The following CNOT6L variants were observed in gnomAD, a reference collection of about 807,000 sequenced individuals.
The protein encoded by CNOT6L is CCR4-NOT transcription complex subunit 6 like.
In CNOT6L, 7 loss-of-function variants were observed where a neutral mutation model predicts 64.0. The ratio of observed to expected loss-of-function variants is 0.11; its 90% CI spans 0.06 to 0.21. The LOEUF is 0.21. CNOT6L is among the 10% of genes least tolerant of loss of function. CNOT6L has a pLI of 1.00. For synonymous variants in CNOT6L, 193 were observed against 243.4 expected (o/e 0.79, Z 1.93); for missense variants, 245 against 669.0 (o/e 0.37, Z 6.99).
At chr4:77,768,290 C>A (rs1444796376) in intron 4 of CNOT6L, among the ~76,000 whole-genome samples, 5 of 151,634 alleles carry the variant, frequency 3.3e-5, no homozygotes, top group Non-Finnish European at 5.9e-5. Context: ...CATGGTGAAA[C>A]CCCGTCTCTA....
chr4:77,795,433 T>C (rs1730724763), intron 1 of CNOT6L, among the ~76,000 whole-genome samples: 1 of 152,212 alleles, frequency 6.6e-6, no homozygotes, highest in African/African-American at 2.4e-5. Context: ...CCAAGTCTCA[T>C]GTCCAGTTGT....
intron 4 of CNOT6L, among the ~76,000 whole-genome samples, chr4:77,768,125 T>G (rs1727075349): frequency 1.3e-5 from 2 of 151,900 alleles, no homozygotes; most frequent in African/African-American, 4.8e-5. Flanking sequence ...AACACACAAA[T>G]GTACTAACTA....
intron 1 of CNOT6L, among the ~76,000 whole-genome samples, chr4:77,807,273 T>C (rs1285917046): frequency 6.6e-5 from 2 of 30,368 alleles, no homozygotes; most frequent in Non-Finnish European, 7.8e-5. Flanking sequence ...TGAGACTCCA[T>C]CTCAAAAAAA....
At chr4:77,731,581 T>C (rs767614254) in intron 8 of CNOT6L, 43 bp from the exon 9 acceptor site, 1 of 1,345,640 alleles carries the variant, frequency 7.4e-7, no homozygotes. Flanking sequence ...TAGACTATCA[T>C]GCTGAAAGAT....
At chr4:77,803,852 G>A (rs1478351251) in intron 1 of CNOT6L, among the ~76,000 whole-genome samples, 2 of 151,794 alleles carry the variant, frequency 1.3e-5, no homozygotes, top group Admixed American at 6.6e-5. Flanking sequence ...GCAGTGAGCC[G>A]AGATCATGCT....
rs1720750338 is a variant in CNOT6L, at chr4:77,716,392, CATA to C, written c.*4036_*4038del. ...AAATCTAGCCATGTATTAGGAATGACATAATGATGTGGTTATATGCCTCTGGTT... is the reference window on the plus strand; with the variant it reads ...AAATCTAGCCATGTATTAGGAATGACATGATGTGGTTATATGCCTCTGGTT... On this transcript the variant is annotated 3_prime_UTR_variant, in exon 12 of 12. Coordinates refer to ENST00000504123, the MANE Select transcript of CNOT6L (RefSeq NM_144571.3). 2 of 152,074 alleles carry C rather than the reference CATA, an allele frequency of 1.3e-5. No homozygotes were observed. Among genetic ancestry groups the C allele is most frequent in the Non-Finnish European group, 2.9e-5 (2 of 67,980 alleles). 9.4% of individuals were successfully genotyped at this position (152,074 alleles called of 1,614,324 possible). A position where few individuals can be genotyped will look rare whatever the true frequency, so the allele number is the denominator to read the frequency against.
chr4:77,782,414 G>A (rs1451357047), intron 1 of CNOT6L, among the ~76,000 whole-genome samples: 3 of 152,034 alleles, frequency 2.0e-5, no homozygotes, highest in African/African-American at 7.2e-5. Flanking sequence ...CTCATTGCAA[G>A]CTTGAAATCC....
At chr4:77,755,223 GTTTTTTTTTTTTTTTTTTT>G (rs869054667) in intron 5 of CNOT6L, among the ~76,000 whole-genome samples, 130 of 70,446 alleles carry the variant, frequency 1.8e-3, no homozygotes, top group South Asian at 0.013. Context: ...AGAGACAAGA[GTTTTTTTTTTTTTTTTTTT>G]TTTTTTTTTT....
At chr4:77,783,799 T>G (rs1048824648) in intron 1 of CNOT6L, among the ~76,000 whole-genome samples, 1 of 151,932 alleles carries the variant, frequency 6.6e-6, no homozygotes, top group Admixed American at 6.6e-5. Context: ...ACCAAATAAT[T>G]AGATAACCCA....
At chr4:77,767,163 C>T (rs950466226) in intron 4 of CNOT6L, among the ~76,000 whole-genome samples, 4 of 136,792 alleles carry the variant, frequency 2.9e-5, no homozygotes, top group Admixed American at 7.4e-5. Context: ...AACAGATGTA[C>T]TTGATTGGTG....
At chr4:77,818,333 C>T (rs1733800521) in intron 1 of CNOT6L, among the ~76,000 whole-genome samples, 1 of 152,166 alleles carries the variant, frequency 6.6e-6, no homozygotes, top group African/African-American at 2.4e-5. Context: ...ACGCCTCTCC[C>T]CCTAGGAGGC....
intron 10 of CNOT6L, 60 bp from the exon 11 acceptor site, chr4:77,726,429 A>G (rs1721854220): frequency 7.5e-7 from 1 of 1,327,606 alleles, no homozygotes; most frequent in African/African-American, 1.5e-5. Flanking sequence ...AAGGCTTCAC[A>G]GCCAAGACTT....
chr4:77,789,377 G>A (rs1729831130), intron 1 of CNOT6L, among the ~76,000 whole-genome samples: 1 of 151,348 alleles, frequency 6.6e-6, no homozygotes, highest in Non-Finnish European at 1.5e-5. Flanking sequence ...CAAATACAAT[G>A]CAAGGACCTT....
At chr4:77,722,849 C>G (rs750705656) in intron 11 of CNOT6L, among the ~76,000 whole-genome samples, 2 of 152,040 alleles carry the variant, frequency 1.3e-5, no homozygotes, top group African/African-American at 2.4e-5. Context: ...ATTTTTAACC[C>G]TTTTGAGTCA....
intron 5 of CNOT6L, among the ~76,000 whole-genome samples, chr4:77,751,270 G>A (rs1164884323): frequency 6.6e-6 from 1 of 152,020 alleles, no homozygotes; most frequent in Non-Finnish European, 1.5e-5. Context: ...TCATTGGAAA[G>A]GCACAATAAT....
chr4:77,770,957 A>T (rs192903718), intron 4 of CNOT6L, among the ~76,000 whole-genome samples: 47 of 152,358 alleles, frequency 3.1e-4, no homozygotes, highest in African/African-American at 1.1e-3. Flanking sequence ...GTTATGAAAG[A>T]GTAAGAAATA....
chr4:77,772,675 C>T (rs1727698427), intron 4 of CNOT6L, among the ~76,000 whole-genome samples: 3 of 152,152 alleles, frequency 2.0e-5, no homozygotes, highest in Non-Finnish European at 2.9e-5. Flanking sequence ...GTAATACCAG[C>T]ACTTTGGGAG....
intron 1 of CNOT6L, among the ~76,000 whole-genome samples, chr4:77,785,194 A>G (rs779486549): frequency 1.3e-5 from 2 of 152,350 alleles, no homozygotes; most frequent in South Asian, 2.1e-4. Flanking sequence ...TTTTCAACAA[A>G]TGGTGCTAGA....
intron 1 of CNOT6L, among the ~76,000 whole-genome samples, chr4:77,777,671 T>C (rs767681359): frequency 6.6e-6 from 1 of 152,238 alleles, no homozygotes; most frequent in Non-Finnish European, 1.5e-5. Context: ...TTTGCTCATA[T>C]ATTAACATAT....
Sources: gnomAD v4.1 joint callset for allele counts (sites outside exome capture counted in the v4.1 genomes callset) on GRCh38, gnomAD v4.1.1 for gene constraint, MANE v1.5 for transcripts, NCBI Gene and HGNC (gene_info 2026-07-23, HGNC 2026-07-21) for gene names.